DNAAF10: variants seen among roughly 807,000 people sequenced by gnomAD.
DNAAF10 encodes the protein dynein axonemal assembly factor 10.
In DNAAF10, 28 loss-of-function variants were observed where a neutral mutation model predicts 43.7. The observed-to-expected ratio is 0.64, with a 90% CI of 0.48 to 0.88. The LOEUF is 0.88. DNAAF10 is among the 40% of genes least tolerant of loss of function. DNAAF10 has a pLI of 0.00. For missense variants in DNAAF10, 403 were observed against 439.1 expected, an observed-to-expected ratio of 0.92 and a Z score of 0.73; for synonymous variants, 156 against 157.3, an observed-to-expected ratio of 0.99 and a Z score of 0.06.
intron 6 of DNAAF10, among the ~76,000 whole-genome samples, chr2:68,136,723 C>T (rs1673052442): frequency 1.3e-5 from 2 of 152,196 alleles, no homozygotes; most frequent in South Asian, 4.1e-4. Flanking sequence ...TTTTTTTAAA[C>T]CAGTATTTTC....
At chr2:68,142,820 T>G (rs954882505) in intron 3 of DNAAF10, among the ~76,000 whole-genome samples, 1 of 149,844 alleles carries the variant, frequency 6.7e-6, no homozygotes, top group Non-Finnish European at 1.5e-5. Flanking sequence ...TCAGGAAAGG[T>G]GGAGGTACAA....
intron 1 of DNAAF10, 94 bp downstream of exon 1, chr2:68,157,167 G>A (rs1673644565): frequency 6.7e-7 from 1 of 1,485,964 alleles, no homozygotes; most frequent in East Asian, 2.3e-5. Flanking sequence ...ATGCTTTGGG[G>A]GACGCTGGGC....
chr2:68,153,589 G>A (rs189619702), intron 1 of DNAAF10, among the ~76,000 whole-genome samples: 1 of 152,010 alleles, frequency 6.6e-6, no homozygotes, highest in Non-Finnish European at 1.5e-5. Flanking sequence ...CTAGGGGTGG[G>A]ACCAAGGCAC....
In DNAAF10 at chr2:68,157,288, C is replaced by G. The variant is rs1673650736; in HGVS notation, c.156G>C (p.Gln52His). 2 of 1,614,038 alleles carry G rather than the reference C, an allele frequency of 1.2e-6. No individual in the cohort carries two copies. Among genetic ancestry groups the G allele is most frequent in the Non-Finnish European group, 1.7e-6 (2 of 1,179,942 alleles). ...CCCGAAGCAGCTTCAGGTCCCCGTG[C>G]TGGATCTCGTACAGCTGAATGACGC... ...GTGVIQLYEIQHGDLKLLREI... is the reference protein window; with the variant it reads ...GTGVIQLYEIHHGDLKLLREI... The change falls in exon 1 of 8, where the codon CAG becomes CAC. Residue 52 changes from glutamine to histidine, a missense_variant. Physicochemically the swap from Gln to His is conservative, Grantham distance 24. Coordinates refer to ENST00000295121, the MANE Select transcript of DNAAF10 (RefSeq NM_138458.4).
Position 68,134,794 on chromosome 2 carries a change from A to T in DNAAF10, c.774T>A (p.His258Gln), listed in dbSNP as rs1455877092. The T allele has an allele frequency of 6.2e-7, 1 of 1,613,486 alleles. No homozygotes were observed. Among genetic ancestry groups the T allele is most frequent in the African/African-American group, 1.3e-5 (1 of 75,004 alleles). Reference sequence around the variant, plus strand: ...GTCGGACCTGCCACACAGTAGATTTATGAGCCTAAATAGAACAAGAGGCAT... The same window carrying T: ...GTCGGACCTGCCACACAGTAGATTTTTGAGCCTAAATAGAACAAGAGGCAT... ...KGFASVSEKAHKSTVWQVRHL... is the reference protein window; with the variant it reads ...KGFASVSEKAQKSTVWQVRHL... The change falls in exon 7 of 8, where the codon CAT becomes CAA. Residue 258 changes from histidine to glutamine, a missense_variant. By Grantham distance (24) the His-to-Gln change is conservative. Transcript: ENST00000295121.
intron 4 of DNAAF10, among the ~76,000 whole-genome samples, chr2:68,139,159 GC>G (rs1335076475): frequency 6.6e-6 from 1 of 152,162 alleles, no homozygotes; most frequent in Non-Finnish European, 1.5e-5. Context: ...GGGTCATGGG[GC>G]TGGATCCCTC....
At chr2:68,145,450 A>AAT (rs572096298) in intron 2 of DNAAF10, among the ~76,000 whole-genome samples, 3 of 151,816 alleles carry the variant, frequency 2.0e-5, no homozygotes, top group East Asian at 3.9e-4. Flanking sequence ...TTTCTATCTA[A>AAT]ATATATATAT....
Position 68,138,744 on chromosome 2 carries a change from C to A in DNAAF10, c.631G>T (p.Gly211Trp). 2 of 1,609,640 alleles carry A rather than the reference C, an allele frequency of 1.2e-6. No individual in the cohort carries two copies. The highest frequency in any genetic ancestry group is 1.7e-6 in the Non-Finnish European group (2 of 1,175,990). The change falls in exon 5 of 8, where the codon GGG (glycine) becomes TGG (tryptophan). Residue 211 changes from glycine (G) to tryptophan (W), a missense_variant and splice_region_variant. Transcript: ENST00000295121. ...AAAAGCCTCAGAATGTACTTTACCC[C>A]ATTTTTGATGTTTGTCTCCCACCGT... ...ALRWETNIKN[G>W]VCSLEFDRKD...
At chr2:68,137,932 T>G (rs1458907311) in intron 5 of DNAAF10, among the ~76,000 whole-genome samples, 1 of 150,628 alleles carries the variant, frequency 6.6e-6, no homozygotes, top group Non-Finnish European at 1.5e-5. Flanking sequence ...CCCAGCACTT[T>G]GGGAGGCCAA....
At chr2:68,132,835 C>A (rs1672952879) in intron 7 of DNAAF10, among the ~76,000 whole-genome samples, 1 of 152,158 alleles carries the variant, frequency 6.6e-6, no homozygotes, top group South Asian at 2.1e-4. Flanking sequence ...GTTTACATTG[C>A]GCTAAACTTC....
At chr2:68,146,236 T>C (rs909310196) in intron 2 of DNAAF10, among the ~76,000 whole-genome samples, 2 of 152,202 alleles carry the variant, frequency 1.3e-5, no homozygotes, top group African/African-American at 4.8e-5. Context: ...CACTCCAGCC[T>C]AGGCAACAGA....
At chr2:68,136,511 GGAGA>G (rs1214272499) in intron 6 of DNAAF10, among the ~76,000 whole-genome samples, 1 of 152,124 alleles carries the variant, frequency 6.6e-6, no homozygotes, top group Non-Finnish European at 1.5e-5. Flanking sequence ...TGAATCCACA[GGAGA>G]GAGAGAAGCA....
At chr2:68,141,887 G>A in intron 3 of DNAAF10, 92 bp from the exon 4 acceptor site, 2 of 1,029,590 alleles carry the variant, frequency 1.9e-6, no homozygotes, top group Middle Eastern at 2.1e-4. Flanking sequence ...CTGTGTACAT[G>A]GCAATATGAC....
At chr2:68,145,968 T>C (rs185450553) in intron 2 of DNAAF10, among the ~76,000 whole-genome samples, 260 of 152,248 alleles carry the variant, frequency 1.7e-3, no homozygotes, top group Admixed American at 6.3e-3. Context: ...ACCTTACTAA[T>C]AAAAAATCTA....
intron 7 of DNAAF10, among the ~76,000 whole-genome samples, chr2:68,132,922 G>C (rs906393841): frequency 1.3e-5 from 2 of 152,202 alleles, no homozygotes; most frequent in African/African-American, 2.4e-5. Context: ...GAAAGTGTTC[G>C]TGTGCCTCAT....
rs1192991399 is a variant in DNAAF10 at position 68,129,956 on chromosome 2, C to G, written c.*1282G>C. 1 of 151,920 alleles carries G rather than the reference C, an allele frequency of 6.6e-6. No homozygotes were observed. The highest frequency in any genetic ancestry group is 1.5e-5 in the Non-Finnish European group (1 of 67,956). 9.4% of individuals were successfully genotyped at this position (151,920 alleles called of 1,614,324 possible). A position where few individuals can be genotyped will look rare whatever the true frequency, so the allele number is the denominator to read the frequency against. On this transcript the variant is annotated 3_prime_UTR_variant, in exon 8 of 8. Coordinates refer to ENST00000295121, the MANE Select transcript of DNAAF10 (RefSeq NM_138458.4). ...ACCCCTACAATCTTGTACATTTCAC[C>G]ATCACTTACCACAGTCAAAAACCAA...
rs200642044 is a variant in DNAAF10, at chr2:68,130,111, G to GATATATATATATATATATATAT, written c.*1126_*1127insATATATATATATATATATATAT. 2 of 131,862 alleles carry GATATATATATATATATATATAT rather than the reference G, an allele frequency of 1.5e-5. No individual in the cohort carries two copies. Among genetic ancestry groups the GATATATATATATATATATATAT allele is most frequent in the Admixed American group, 7.8e-5 (1 of 12,836 alleles). The allele number at this position is 131,862 out of a possible 1,614,324, so 8.2% of individuals were successfully genotyped here. On this transcript the variant is annotated 3_prime_UTR_variant, in exon 8 of 8. Coordinates refer to ENST00000295121, the MANE Select transcript of DNAAF10 (RefSeq NM_138458.4). Reference sequence around the variant, plus strand: ...AGACCAACCGTGCCGTTTTGAGAGAGAGAGATATATATATATATATTTGTT... The same window carrying GATATATATATATATATATATAT: ...AGACCAACCGTGCCGTTTTGAGAGAGATATATATATATATATATATATAGAGATATATATATATATATTTGTT...
At chr2:68,144,813 T>C (rs953459038) in intron 2 of DNAAF10, 98 bp from the exon 3 acceptor site, 22 of 1,433,752 alleles carry the variant, frequency 1.5e-5, no homozygotes, top group Non-Finnish European at 2.0e-5. Context: ...TTTTTCTGTA[T>C]AGAAATTAAG....
chr2:68,143,999 T>C (rs1403685746), intron 3 of DNAAF10, among the ~76,000 whole-genome samples: 2 of 152,188 alleles, frequency 1.3e-5, no homozygotes, highest in Non-Finnish European at 2.9e-5. Flanking sequence ...TTATAATAGG[T>C]ACCAAATTTC....
Sources: allele counts gnomAD v4.1 joint callset (sites outside exome capture counted in the v4.1 genomes callset), GRCh38; gene constraint gnomAD v4.1.1; transcripts MANE v1.5; gene names NCBI Gene and HGNC (gene_info 2026-07-23, HGNC 2026-07-21).